Variants in SPICE1 observed in about 807,000 individuals in gnomAD.
The protein encoded by SPICE1 is spindle and centriole-associated protein 1.
SPICE1 carries 75 observed loss-of-function variants against 102.7 expected under a neutral mutation model. That is an observed-to-expected ratio of 0.73 (90% CI 0.61 to 0.88). The LOEUF (loss-of-function observed/expected upper bound fraction) is 0.88. SPICE1 is among the 40% of genes least tolerant of loss of function. The pLI is 0.00. For missense variants in SPICE1, 979 were observed against 1,020.1 expected, an observed-to-expected ratio of 0.96 and a Z score of 0.55; for synonymous variants, 308 against 350.3, an observed-to-expected ratio of 0.88 and a Z score of 1.35.
At chr3:113,446,772 A>C in intron 16 of SPICE1, 96 bp from the exon 17 acceptor site, 1 of 1,002,954 alleles carries the variant, frequency 1.0e-6, no homozygotes, top group South Asian at 1.4e-5. Flanking sequence ...TACTGGCAAG[A>C]GCTTGAAAAC....
intron 3 of SPICE1, among the ~76,000 whole-genome samples, chr3:113,502,932 AC>A (rs112491251): frequency 0.034 from 5,222 of 152,310 alleles, 297 homozygotes; most frequent in African/African-American, 0.12. Flanking sequence ...ATCAGGCAGT[AC>A]TAGACTGAAG....
rs115610400 is a variant in SPICE1 at position 113,466,270 on chromosome 3, A to G, written c.1156-486T>C. On this transcript the variant is annotated intron_variant, in intron 10 of 17. Transcript: ENST00000295872. Reference sequence around the variant, plus strand: ...ATATAATTTAAAGTAAATGACTACAACTTTAAATGGTTTAACTTTGTAAAA... The same window carrying G: ...ATATAATTTAAAGTAAATGACTACAGCTTTAAATGGTTTAACTTTGTAAAA... 5.4e-3 allele frequency among the ~76,000 whole-genome samples: 824 copies of G among 152,332 alleles called. 7 individuals carry two copies. Among genetic ancestry groups the G allele is most frequent in the African/African-American group, 0.019 (770 of 41,578 alleles).
chr3:113,494,077 T>C lies in SPICE1; in HGVS notation c.357A>G (p.Ala119=), dbSNP rs1296329834. The C allele has an allele frequency of 1.2e-6, 2 of 1,612,456 alleles. No individual in the cohort carries two copies. The highest frequency in any genetic ancestry group is 2.7e-5 in the African/African-American group (2 of 74,882). ...TGCGCCTACGAGGAAACAGCTCTTT[T>C]GCTGCAGCTATTAGATGATCAGATT... ...LEKSDHLIAA[A]KELFPRRRTG... Residue 119 remains alanine (A), a synonymous_variant, in exon 5 of 18, where the codon GCA becomes GCG. Transcript: ENST00000295872.
intron 3 of SPICE1, among the ~76,000 whole-genome samples, chr3:113,502,472 C>T (rs1297074434): frequency 6.6e-6 from 1 of 151,940 alleles, no homozygotes; most frequent in African/African-American, 2.4e-5. Context: ...TGGTCATTGC[C>T]ACAAACTGGG....
chr3:113,500,546 T>C (rs895187618), intron 3 of SPICE1, among the ~76,000 whole-genome samples: 4 of 151,902 alleles, frequency 2.6e-5, no homozygotes, highest in African/African-American at 7.2e-5. Flanking sequence ...TTTTAAAAAA[T>C]GCAAACTGAA....
Position 113,489,103 on chromosome 3 carries a change from T to G in SPICE1, c.493-40A>C, listed in dbSNP as rs750055778. 4 of 1,290,808 alleles carry G rather than the reference T, an allele frequency of 3.1e-6. No homozygotes were observed. In the South Asian group the frequency reaches 4.9e-5, roughly 16 times the overall value. The allele number at this position is 1,290,808 out of a possible 1,614,324, so 80.0% of individuals were successfully genotyped here. A position where few individuals can be genotyped will look rare whatever the true frequency, so the allele number is the denominator to read the frequency against. On this transcript the variant is annotated intron_variant, in intron 6 of 17. Coordinates refer to ENST00000295872, the MANE Select transcript of SPICE1 (RefSeq NM_144718.4). ...CAATAAAAATAGCACAAGTTGATTA[T>G]ATATATACTCAGACTTTCTTTTTTT...
intron 1 of SPICE1, among the ~76,000 whole-genome samples, chr3:113,507,370 C>T (rs1054466854): frequency 4.6e-5 from 7 of 152,116 alleles, no homozygotes; most frequent in African/African-American, 1.7e-4. Context: ...AATACATATA[C>T]ATGACTACTA....
intron 7 of SPICE1, among the ~76,000 whole-genome samples, chr3:113,474,063 A>G (rs1322768794): frequency 1.3e-5 from 2 of 152,168 alleles, no homozygotes; most frequent in East Asian, 3.9e-4. Context: ...AGAGACACAC[A>G]TAGGCTCAAA....
At chr3:113,459,848 C>T (rs1935884244) in intron 12 of SPICE1, 1 of 979,440 alleles carries the variant, frequency 1.0e-6, no homozygotes, top group Admixed American at 6.2e-5. Context: ...CGCCACTACA[C>T]TCCAGCCTGG....
chr3:113,514,882 C>G lies in SPICE1; in HGVS notation c.-1+15G>C. On this transcript the variant is annotated intron_variant, in intron 1 of 17. Transcript: ENST00000295872. ...CCACGCACAAACATACCCAGACACG[C>G]ACCCTGACACGTACTTGCACTCTCA... 1 of 1,203,784 alleles carries G rather than the reference C, an allele frequency of 8.3e-7. No individual in the cohort carries two copies. Among genetic ancestry groups the G allele is most frequent in the Non-Finnish European group, 1.1e-6 (1 of 948,152 alleles). The allele number at this position is 1,203,784 out of a possible 1,614,324, so 74.6% of individuals were successfully genotyped here. A position where few individuals can be genotyped will look rare whatever the true frequency, so the allele number is the denominator to read the frequency against.
chr3:113,465,183 G>C (rs960280310), intron 11 of SPICE1, among the ~76,000 whole-genome samples: 8 of 152,016 alleles, frequency 5.3e-5, no homozygotes, highest in Non-Finnish European at 1.0e-4. Context: ...AATGGTGTAA[G>C]TCTTTTAAAA....
At chr3:113,473,371 T>C (rs1203587667) in intron 7 of SPICE1, among the ~76,000 whole-genome samples, 12 of 152,046 alleles carry the variant, frequency 7.9e-5, no homozygotes, top group Admixed American at 4.6e-4. Context: ...TGCAGGATAT[T>C]ATCCAGGAGA....
Position 113,442,815 on chromosome 3 carries a change from TC to T in SPICE1, c.*2491del, listed in dbSNP as rs986849363. ...GAAATGTCCTCTTTAATCAAGATTT[TC>T]CAGGGCTTAAAAAAATGATTATCCT... On this transcript the variant is annotated 3_prime_UTR_variant, in exon 18 of 18. Transcript: ENST00000295872. The T allele has an allele frequency of 3.3e-5, 5 of 152,194 alleles. No homozygotes were observed. Among genetic ancestry groups the T allele is most frequent in the Non-Finnish European group, 5.9e-5 (4 of 68,024 alleles). 9.4% of individuals were successfully genotyped at this position (152,194 alleles called of 1,614,324 possible). A position where few individuals can be genotyped will look rare whatever the true frequency, so the allele number is the denominator to read the frequency against.
At chr3:113,458,947 G>C (rs1229992210) in intron 12 of SPICE1, among the ~76,000 whole-genome samples, 1 of 152,230 alleles carries the variant, frequency 6.6e-6, no homozygotes, top group Non-Finnish European at 1.5e-5. Flanking sequence ...AACGGGCCAT[G>C]ATGACGATGG....
In SPICE1 at chr3:113,506,537, CTT is replaced by C. The variant is rs1361734477; in HGVS notation, c.67_68del (p.Lys23GlufsTer11). 1 of 1,613,576 alleles carries C rather than the reference CTT, an allele frequency of 6.2e-7. No homozygotes were observed. Among genetic ancestry groups the C allele is most frequent in the African/African-American group, 1.3e-5 (1 of 75,038 alleles). On this transcript the variant is annotated frameshift_variant, in exon 2 of 18. Coordinates refer to ENST00000295872, the MANE Select transcript of SPICE1 (RefSeq NM_144718.4). LOFTEE classifies it high-confidence loss of function. ...VGVRKTPKVK[K>X]KKTSVKQEWD... The stretch of plus-strand genomic sequence containing the variant: ...ATTCTTGTTTCACTGAAGTTTTCTT[CTT>C]CTTTACTTTCGGTGTCTTTCTTACA...
rs777375751 is a variant in SPICE1, at chr3:113,465,689, T to G, written c.1251A>C (p.Glu417Asp). 8.1e-6 allele frequency: 13 copies of G among 1,613,782 alleles called. No individual in the cohort carries two copies. The highest frequency in any genetic ancestry group is 1.1e-5 in the Non-Finnish European group (13 of 1,179,908). Residue 417 changes from glutamate (E) to aspartate (D), a missense_variant, in exon 11 of 18, where the codon GAA becomes GAC. Physicochemically the swap from Glu to Asp is conservative, Grantham distance 45. Transcript: ENST00000295872. The part of the protein sequence containing the change: ...HRELIDALTA[E>D]ILRLREENAA... ...CGTTTTCTTCTCTAAGACGAAGAAT[T>G]TCAGCTGTCAGAGCATCAATGAGCT... is the stretch of plus-strand genomic sequence containing the variant.
intron 6 of SPICE1, among the ~76,000 whole-genome samples, chr3:113,492,743 T>C (rs1218881249): frequency 6.6e-6 from 1 of 152,202 alleles, no homozygotes; most frequent in African/African-American, 2.4e-5. Context: ...AAACACATTC[T>C]GAGCCCACCC....
chr3:113,496,055 A>G (rs906752276), intron 4 of SPICE1, among the ~76,000 whole-genome samples: 1 of 125,234 alleles, frequency 8.0e-6, no homozygotes, highest in Non-Finnish European at 1.6e-5. Flanking sequence ...TTTTTTTTTT[A>G]CAACTTTTTT....
intron 7 of SPICE1, among the ~76,000 whole-genome samples, chr3:113,483,868 G>C (rs976816244): frequency 7.2e-5 from 11 of 152,130 alleles, no homozygotes; most frequent in Non-Finnish European, 1.3e-4. Flanking sequence ...CCAGGATTTG[G>C]TATCAGGATG....
Sources: allele counts gnomAD v4.1 joint callset (sites outside exome capture counted in the v4.1 genomes callset), GRCh38; gene constraint gnomAD v4.1.1; transcripts MANE v1.5; gene names NCBI Gene and HGNC (gene_info 2026-07-23, HGNC 2026-07-21).